HECW2: variants seen among roughly 807,000 people sequenced by gnomAD.
The protein encoded by HECW2 is E3 ubiquitin-protein ligase HECW2.
Under a neutral mutation model 175.2 loss-of-function variants are expected in HECW2, and 61 were observed. That is an observed-to-expected ratio of 0.35 (90% CI 0.28 to 0.43). HECW2 has a LOEUF of 0.43. HECW2 is among the 20% of genes least tolerant of loss of function. The probability of loss-of-function intolerance (pLI) is 1.00; values close to 1 mark genes in which losing one functional copy is unlikely to be tolerated. For synonymous variants in HECW2, 671 were observed against 731.0 expected, an observed-to-expected ratio of 0.92 and a Z score of 1.32; for missense variants, 1,524 against 2,000.5, an observed-to-expected ratio of 0.76 and a Z score of 4.54.
At chr2:196,409,317 T>C (rs1695046801) in intron 2 of HECW2, among the ~76,000 whole-genome samples, 1 of 152,222 alleles carries the variant, frequency 6.6e-6, no homozygotes, top group Non-Finnish European at 1.5e-5. Context: ...TAAATCTCTG[T>C]GCTGTTGACT....
At chr2:196,208,332 C>T (rs559170467) in intron 28 of HECW2, among the ~76,000 whole-genome samples, 103 of 152,302 alleles carry the variant, frequency 6.8e-4, no homozygotes, top group African/African-American at 2.3e-3. Context: ...TTTGGAATTT[C>T]TTGTCTGGAG....
At chr2:196,309,663 A>G (rs6713102) in intron 10 of HECW2, among the ~76,000 whole-genome samples, 96,806 of 151,980 alleles carry the variant, frequency 0.64, 31,647 homozygotes, top group East Asian at 0.83. Flanking sequence ...ATTCAGGCAC[A>G]TAGACATCAA....
At position 196,364,185 on chromosome 2, in the gene HECW2, T is replaced by C. The variant is rs139343082; in HGVS notation, c.293-20421A>G. ...CAAATACCATAACATTTGGTACATATACCACTTTACCTGCGCTCTAGGTTC... is the reference window on the plus strand; with the variant it reads ...CAAATACCATAACATTTGGTACATACACCACTTTACCTGCGCTCTAGGTTC... On this transcript the variant is annotated intron_variant, in intron 2 of 28. Coordinates refer to ENST00000644978, the MANE Select transcript of HECW2 (RefSeq NM_001348768.2). 6.6e-3 allele frequency among the ~76,000 whole-genome samples: 999 copies of C among 152,328 alleles called. 8 individuals are homozygous for C. The highest frequency in any genetic ancestry group is 0.02 in the Middle Eastern group (6 of 294).
rs1695777404 is a variant in HECW2 at position 196,433,424 on chromosome 2, C to T, written c.-1G>A. The T allele has an allele frequency of 1.2e-6, 2 of 1,611,598 alleles. No individual in the cohort carries two copies. Among genetic ancestry groups the T allele is most frequent in the African/African-American group, 2.7e-5 (2 of 74,814 alleles). On this transcript the variant is annotated 5_prime_UTR_variant, in exon 2 of 29. Transcript: ENST00000644978. ...GGTGCTCCCGGGCTGAACTAGCCAT[C>T]CCGTCTGCTTCTCTGGGATTGGCTG...
chr2:196,221,010 T>C (rs1687645811), intron 24 of HECW2, 69 bp from the exon 25 acceptor site: 3 of 1,548,310 alleles, frequency 1.9e-6, no homozygotes, highest in East Asian at 2.2e-5. Context: ...ATTACTAGCA[T>C]TGAGCTGAAA....
intron 21 of HECW2, among the ~76,000 whole-genome samples, chr2:196,229,797 T>C (rs74509172): frequency 1.3e-5 from 2 of 152,382 alleles, no homozygotes; most frequent in Non-Finnish European, 2.9e-5. Flanking sequence ...CCATTATTAA[T>C]ATTTTTCATT....
intron 1 of HECW2, among the ~76,000 whole-genome samples, chr2:196,492,381 A>G (rs1394883391): frequency 1.3e-5 from 2 of 152,178 alleles, no homozygotes; most frequent in Admixed American, 6.5e-5. Context: ...AAAATCTCCA[A>G]TGTAAGTTAC....
At position 196,367,876 on chromosome 2, in the gene HECW2, T is replaced by TTTG. The variant is rs1693790341; in HGVS notation, c.293-24113_293-24112insCAA. 1.5e-3 allele frequency among the ~76,000 whole-genome samples: 214 copies of TTTG among 144,994 alleles called. 1 individual carries two copies. Among genetic ancestry groups the TTTG allele is most frequent in the African/African-American group, 5.2e-3 (199 of 38,086 alleles). On this transcript the variant is annotated intron_variant, in intron 2 of 28. Transcript: ENST00000644978. ...CCATTGTGTGTGTGTGTGTGTGTGT[T>TTTG]TGTGTGTGTGTGTGTGTATGGTACA... is the stretch of plus-strand genomic sequence containing the variant.
At chr2:196,256,358 C>G (rs1689057118) in intron 18 of HECW2, among the ~76,000 whole-genome samples, 1 of 152,094 alleles carries the variant, frequency 6.6e-6, no homozygotes, top group Non-Finnish European at 1.5e-5. Context: ...GAAAATGCAG[C>G]CTTGCTCTTT....
chr2:196,414,275 A>T (rs1483429872), intron 2 of HECW2, among the ~76,000 whole-genome samples: 1 of 152,162 alleles, frequency 6.6e-6, no homozygotes, highest in East Asian at 1.9e-4. Context: ...TTTGTATCCC[A>T]CTTTACTCAG....
intron 2 of HECW2, among the ~76,000 whole-genome samples, chr2:196,425,873 A>T (rs1695533424): frequency 6.6e-6 from 1 of 152,212 alleles, no homozygotes. Flanking sequence ...TTTTGAAAAA[A>T]GTTCTACTGT....
At chr2:196,461,045 C>T (rs978008020) in intron 1 of HECW2, among the ~76,000 whole-genome samples, 2 of 152,068 alleles carry the variant, frequency 1.3e-5, no homozygotes, top group Non-Finnish European at 2.9e-5. Flanking sequence ...CACTCTCTGT[C>T]TCCTCCCCAT....
chr2:196,391,967 C>A (rs1013115568), intron 2 of HECW2, among the ~76,000 whole-genome samples: 3 of 152,136 alleles, frequency 2.0e-5, no homozygotes, highest in African/African-American at 7.2e-5. Context: ...CTTTTAAGGA[C>A]AACATTCATT....
intron 2 of HECW2, among the ~76,000 whole-genome samples, chr2:196,432,273 T>C (rs1695738713): frequency 6.6e-6 from 1 of 152,182 alleles, no homozygotes; most frequent in Non-Finnish European, 1.5e-5. Flanking sequence ...GGGGGGATGC[T>C]TGGCTTACAA....
chr2:196,498,969 C>T (rs1040567783), intron 1 of HECW2, among the ~76,000 whole-genome samples: 10 of 152,138 alleles, frequency 6.6e-5, no homozygotes, highest in African/African-American at 2.4e-4. Flanking sequence ...CACAAGAAGA[C>T]AGTTTCAACC....
chr2:196,248,037 C>T (rs1195864392), intron 19 of HECW2, among the ~76,000 whole-genome samples: 1 of 152,212 alleles, frequency 6.6e-6, no homozygotes, highest in Non-Finnish European at 1.5e-5. Flanking sequence ...TCTTCTGGAA[C>T]ATAGCTCAAC....
chr2:196,569,382 T>C (rs1690301110), intron 1 of HECW2, among the ~76,000 whole-genome samples: 1 of 152,080 alleles, frequency 6.6e-6, no homozygotes, highest in African/African-American at 2.4e-5. Context: ...TAAAATAAAA[T>C]AAAATAGGCT....
intron 15 of HECW2, among the ~76,000 whole-genome samples, chr2:196,275,880 C>T (rs1393955911): frequency 3.3e-5 from 5 of 152,098 alleles, no homozygotes; most frequent in Non-Finnish European, 7.4e-5. Context: ...AATATTTCTA[C>T]TGAATGGAAT....
Position 196,307,171 on chromosome 2 carries a change from T to C in HECW2, c.2648A>G (p.Asp883Gly), listed in dbSNP as rs1691298036. ...AAAGTCAGCTTCCTCCCCTGCCCCA[T>C]CAATAGCATTGGTATTTTCCTCAGG... Reference protein sequence around the residue: ...ERPEENTNAIDGAGEEADFHQ... With the variant: ...ERPEENTNAIGGAGEEADFHQ... The change falls in exon 12 of 29, where the codon GAT (aspartate) becomes GGT (glycine). Residue 883 changes from aspartate to glycine, a missense_variant. Around this residue, in one of 11 missense-constraint regions of HECW2, gnomAD observed 105 missense variants for 98.1 expected, o/e 1.07. Transcript: ENST00000644978. 5.6e-6 allele frequency: 9 copies of C among 1,614,008 alleles called. No individual in the cohort carries two copies. In the Admixed American group the frequency reaches 8.3e-5, roughly 15 times the overall value.
Sources: allele counts gnomAD v4.1 joint callset (sites outside exome capture counted in the v4.1 genomes callset), GRCh38; gene constraint gnomAD v4.1.1; regional missense constraint gnomAD v4.1.1; transcripts MANE v1.5; gene names NCBI Gene and HGNC (gene_info 2026-07-23, HGNC 2026-07-21).